PCDHGA3: variants seen among roughly 807,000 people sequenced by gnomAD.
PCDHGA3 encodes protocadherin gamma subfamily A, 3, also known as protocadherin gamma-A3.
A neutral mutation model predicts 58.5 loss-of-function variants in PCDHGA3; 40 were observed. The ratio of observed to expected loss-of-function variants is 0.68; its 90% CI spans 0.53 to 0.89. The LOEUF (loss-of-function observed/expected upper bound fraction) is 0.89. PCDHGA3 is among the 40% of genes least tolerant of loss of function. PCDHGA3 has a pLI of 0.00. For missense variants in PCDHGA3, 1,223 were observed against 1,195.9 expected, an observed-to-expected ratio of 1.02 and a Z score of -0.33; for synonymous variants, 530 against 525.7, an observed-to-expected ratio of 1.01 and a Z score of -0.11.
intron 1 of PCDHGA3, chr5:141,419,208 C>G: frequency 5.6e-6 from 9 of 1,613,966 alleles, no homozygotes; most frequent in Non-Finnish European, 6.8e-6. Flanking sequence ...GACAACGCGC[C>G]GGTTTTCGGA....
Position 141,476,116 on chromosome 5 carries a change from G to C in PCDHGA3, c.2425-18691G>C, listed in dbSNP as rs367958555. On this transcript the variant is annotated intron_variant, in intron 1 of 3. Transcript: ENST00000253812. The surrounding 1 kb of genome is among the most constrained non-coding windows in gnomAD (Gnocchi z 7.6). ...GCTGAGAGGAACTGCTTTTGAGTGA[G>C]ATGGTCCCAGAGGCCTGGAGGAGCG... 504 of 1,593,954 alleles carry C rather than the reference G, an allele frequency of 3.2e-4. No individual in the cohort carries two copies. Among genetic ancestry groups the C allele is most frequent in the Non-Finnish European group, 4.1e-4 (479 of 1,172,292 alleles).
rs753954982 is a variant in PCDHGA3 at position 141,478,158 on chromosome 5, C to A, written c.2425-16649C>A. 9 of 1,613,936 alleles carry A rather than the reference C, an allele frequency of 5.6e-6. No individual in the cohort carries two copies. In the African/African-American group the frequency reaches 1.2e-4, roughly 22 times the overall value. On this transcript the variant is annotated intron_variant, in intron 1 of 3. Transcript: ENST00000253812. ...GCCCGAGCCGAGTTCCCCTCTGGCT[C>A]TGCCCCCCGGGAGCAGAAAAAAAAT...
At chr5:141,392,899 G>A in intron 1 of PCDHGA3, 1 of 1,613,820 alleles carries the variant, frequency 6.2e-7, no homozygotes, top group Admixed American at 1.7e-5. Flanking sequence ...ATCGGGAGGG[G>A]ACAGATTCGC....
chr5:141,383,492 G>T (rs1012277194), intron 1 of PCDHGA3: 11 of 1,613,178 alleles, frequency 6.8e-6, no homozygotes, highest in Non-Finnish European at 9.3e-6. Context: ...GTGCTGGAGC[G>T]GGTGCTGGAC....
intron 1 of PCDHGA3, chr5:141,389,114 C>A: frequency 1.2e-6 from 2 of 1,614,004 alleles, no homozygotes; most frequent in Non-Finnish European, 1.7e-6. Flanking sequence ...TTCTAGACCG[C>A]GAGCAGAATC....
intron 1 of PCDHGA3, chr5:141,383,450 G>T: frequency 6.2e-7 from 1 of 1,613,960 alleles, no homozygotes; most frequent in South Asian, 1.1e-5. Flanking sequence ...GCTGTGCAAA[G>T]TGGAGACGAT....
At chr5:141,355,870 G>T (rs376992240) in intron 1 of PCDHGA3, 72 of 1,612,760 alleles carry the variant, frequency 4.5e-5, no homozygotes, top group Non-Finnish European at 6.1e-5. Flanking sequence ...GGTTCGCTCT[G>T]GCACTGCCAG....
rs530622003 is a variant in PCDHGA3, at chr5:141,437,077, T to G, written c.2425-57730T>G. ...TGATCATTATTTGGTTTGGGCCATA[T>G]AAGAATTGAAACTAACGGCTTAGCT... On this transcript the variant is annotated intron_variant, in intron 1 of 3. Transcript: ENST00000253812. Among the ~76,000 whole-genome samples, 107 of 152,372 alleles carry G rather than the reference T, an allele frequency of 7.0e-4. 1 individual carries two copies. The highest frequency in any genetic ancestry group is 6.4e-3 in the South Asian group (31 of 4,828).
Position 141,364,525 on chromosome 5 carries a change from C to A in PCDHGA3, c.2424+18068C>A, listed in dbSNP as rs763615712. 3 of 1,614,062 alleles carry A rather than the reference C, an allele frequency of 1.9e-6. No individual in the cohort carries two copies. In the East Asian group the frequency reaches 6.7e-5, roughly 36 times the overall value. ...AGGAGCTGGCGGAGCGCGGAGTCCG[C>A]ATCGTCTCCAGAGGTAGGACGCAGC... is the stretch of plus-strand genomic sequence containing the variant. On this transcript the variant is annotated intron_variant, in intron 1 of 3. Transcript: ENST00000253812.
chr5:141,497,413 T>C (rs572922456), intron 2 of PCDHGA3, among the ~76,000 whole-genome samples: 8 of 152,046 alleles, frequency 5.3e-5, no homozygotes, highest in Admixed American at 5.2e-4. Context: ...TCCCATTCCA[T>C]CAAATGAGAG....
At chr5:141,442,005 C>G (rs1037210381) in intron 1 of PCDHGA3, 1 of 229,014 alleles carries the variant, frequency 4.4e-6, no homozygotes. Flanking sequence ...GCTGACAGCT[C>G]GCACGATGGG....
chr5:141,371,543 A>T, intron 1 of PCDHGA3: 1 of 1,613,812 alleles, frequency 6.2e-7, no homozygotes, highest in Non-Finnish European at 8.5e-7. Context: ...GAGAAATCCT[A>T]TGCCAACTAA....
chr5:141,409,904 G>T lies in PCDHGA3; in HGVS notation c.2424+63447G>T, dbSNP rs757396196. 10 of 1,613,278 alleles carry T rather than the reference G, an allele frequency of 6.2e-6. No homozygotes were observed. The South Asian group carries it at 1.1e-4, about 18-fold the overall frequency. On this transcript the variant is annotated intron_variant, in intron 1 of 3. Coordinates refer to ENST00000253812, the MANE Select transcript of PCDHGA3 (RefSeq NM_018916.4). ...ACCGCGGGTGCTGTACCCAGCTCTGGGTCCTGACGGCTCCGCGTTCTTCGA... is the reference window on the plus strand; with the variant it reads ...ACCGCGGGTGCTGTACCCAGCTCTGTGTCCTGACGGCTCCGCGTTCTTCGA...
chr5:141,403,775 G>A (rs760589412), intron 1 of PCDHGA3: 2 of 1,613,866 alleles, frequency 1.2e-6, no homozygotes, highest in Admixed American at 1.7e-5. Context: ...GGGAATCAAC[G>A]GAAAAGTGGC....
intron 1 of PCDHGA3, among the ~76,000 whole-genome samples, chr5:141,457,029 C>G (rs2098904194): frequency 6.6e-6 from 1 of 152,170 alleles, no homozygotes; most frequent in Non-Finnish European, 1.5e-5. Flanking sequence ...TCCTAGTAGA[C>G]TCAGTGATAG....
chr5:141,350,993 A>G lies in PCDHGA3; in HGVS notation c.2424+4536A>G, dbSNP rs762657865. 9.3e-6 allele frequency: 15 copies of G among 1,614,092 alleles called. No homozygotes were observed. In the South Asian group the frequency reaches 1.2e-4, roughly 13 times the overall value. The stretch of plus-strand genomic sequence containing the variant: ...TCCCGTGTTTAGCCAGGAGGTATAC[A>G]GGGTTAGCCTCCAAGAAAACGTACC... On this transcript the variant is annotated intron_variant, in intron 1 of 3. Transcript: ENST00000253812.
chr5:141,360,074 G>T (rs1338613779), intron 1 of PCDHGA3: 2 of 1,478,456 alleles, frequency 1.4e-6, no homozygotes, highest in South Asian at 1.4e-5. Flanking sequence ...CCTTAGCCCG[G>T]ATTCTGCCAT....
chr5:141,408,279 A>G (rs1313502495), intron 1 of PCDHGA3: 1 of 1,612,184 alleles, frequency 6.2e-7, no homozygotes, highest in Admixed American at 1.7e-5. Flanking sequence ...CCTTTGTTCT[A>G]CCCCACCCTG....
intron 3 of PCDHGA3, among the ~76,000 whole-genome samples, chr5:141,506,320 G>A (rs1054880362): frequency 8.6e-5 from 13 of 151,966 alleles, no homozygotes; most frequent in South Asian, 8.3e-4. Flanking sequence ...ATGGTGGTGC[G>A]TGCCTGTAGT....
Sources: allele counts gnomAD v4.1 joint callset (sites outside exome capture counted in the v4.1 genomes callset), GRCh38; gene constraint gnomAD v4.1.1; non-coding constraint Gnocchi (gnomAD v3.1); transcripts MANE v1.5; gene names NCBI Gene and HGNC (gene_info 2026-07-23, HGNC 2026-07-21).